Variants in TOM1 observed in about 807,000 individuals in gnomAD.
TOM1 encodes the protein target of myb1 membrane trafficking protein, also known as target of Myb protein 1.
In TOM1, 38 loss-of-function variants were observed where a neutral mutation model predicts 61.3. The observed-to-expected ratio is 0.62, with a 90% CI of 0.48 to 0.81. The LOEUF (loss-of-function observed/expected upper bound fraction) is 0.81, where lower values mean the gene tolerates loss of function less well. Ranked by LOEUF, TOM1 falls within the 40% of genes least tolerant of loss-of-function variation. TOM1 has a pLI of 0.00. For synonymous variants in TOM1, 270 were observed against 268.8 expected (o/e 1.00, Z -0.04); for missense variants, 591 against 659.6 (o/e 0.90, Z 1.14).
chr22:35,322,432 G>A lies in TOM1; in HGVS notation c.216+395G>A, dbSNP rs904188569. On this transcript the variant is annotated intron_variant, in intron 3 of 14. Coordinates refer to ENST00000449058, the MANE Select transcript of TOM1 (RefSeq NM_005488.3). Reference sequence around the variant, plus strand: ...GAATGTAAAATAAATACCAGTGGCTGAGAACAGTCTTGCCCACACCACTGA... The same window carrying A: ...GAATGTAAAATAAATACCAGTGGCTAAGAACAGTCTTGCCCACACCACTGA... 1.7e-5 allele frequency: 4 copies of A among 234,870 alleles called. No individual in the cohort carries two copies. In the Admixed American group the frequency reaches 2.1e-4, roughly 12 times the overall value. 14.5% of individuals were successfully genotyped at this position (234,870 alleles called of 1,614,324 possible).
chr22:35,329,857 A>G (rs1359475319), intron 7 of TOM1, among the ~76,000 whole-genome samples: 1 of 152,216 alleles, frequency 6.6e-6, no homozygotes, highest in African/African-American at 2.4e-5. Context: ...AGCATCTAAC[A>G]CTTGGAAGTG....
chr22:35,303,856 G>T (rs1267442291), intron 1 of TOM1, among the ~76,000 whole-genome samples: 1 of 152,092 alleles, frequency 6.6e-6, no homozygotes, highest in Non-Finnish European at 1.5e-5. Context: ...TCTGTTAGTG[G>T]TTGTGCATGT....
At chr22:35,312,243 CAAAA>C (rs61692841) in intron 1 of TOM1, among the ~76,000 whole-genome samples, 16 of 116,832 alleles carry the variant, frequency 1.4e-4, no homozygotes, top group Admixed American at 7.7e-4. Flanking sequence ...GACTCCGTCT[CAAAA>C]AAAAAAAAAA....
intron 2 of TOM1, among the ~76,000 whole-genome samples, chr22:35,320,087 T>C (rs1237495189): frequency 2.0e-5 from 3 of 152,124 alleles, no homozygotes; most frequent in Non-Finnish European, 4.4e-5. Flanking sequence ...TTCAGTAGTG[T>C]GATGGGCTCT....
chr22:35,303,662 T>C (rs913719781), intron 1 of TOM1, among the ~76,000 whole-genome samples: 1 of 151,990 alleles, frequency 6.6e-6, no homozygotes, highest in African/African-American at 2.4e-5. Context: ...CATGCCCGGC[T>C]AATTTTTGTA....
intron 2 of TOM1, among the ~76,000 whole-genome samples, chr22:35,319,376 GACCTC>G (rs1927576461): frequency 6.6e-6 from 1 of 152,154 alleles, no homozygotes; most frequent in Non-Finnish European, 1.5e-5. Flanking sequence ...CATGACCCTT[GACCTC>G]ACCAAGCATG....
At chr22:35,328,790 G>A (rs1433877608) in intron 7 of TOM1, among the ~76,000 whole-genome samples, 1 of 152,244 alleles carries the variant, frequency 6.6e-6, no homozygotes, top group Non-Finnish European at 1.5e-5. Flanking sequence ...GTTGCCTCCA[G>A]GAGAAAGGCG....
At chr22:35,339,934 A>G (rs557547762) in intron 12 of TOM1, among the ~76,000 whole-genome samples, 1 of 150,806 alleles carries the variant, frequency 6.6e-6, no homozygotes, top group Non-Finnish European at 1.5e-5. Context: ...ACCCTAAAGC[A>G]GCGGGGAGAA....
Position 35,334,349 on chromosome 22 carries a change from G to C in TOM1, c.1049G>C (p.Arg350Thr), listed in dbSNP as rs926078943. The change falls in exon 11 of 15, where the codon AGA becomes ACA. Residue 350 changes from arginine (R) to threonine (T), a missense_variant. By Grantham distance (71) the Arg-to-Thr change is moderately conservative. Transcript: ENST00000449058. ...AGMNLGSSSV[R>T]AGLQSLEASG... Reference sequence around the variant, plus strand: ...GCAGACCTGGGCTCCAGCAGTGTGAGAGCTGGCCTGCAGTCTCTGGAGGCC... The same window carrying C: ...GCAGACCTGGGCTCCAGCAGTGTGACAGCTGGCCTGCAGTCTCTGGAGGCC... The C allele has an allele frequency of 7.4e-6, 12 of 1,613,942 alleles. No homozygotes were observed. Among genetic ancestry groups the C allele is most frequent in the Non-Finnish European group, 1.0e-5 (12 of 1,179,954 alleles).
intron 1 of TOM1, among the ~76,000 whole-genome samples, chr22:35,304,224 A>G (rs1010199830): frequency 2.0e-5 from 3 of 152,110 alleles, no homozygotes; most frequent in African/African-American, 7.2e-5. Context: ...CTTCTTTTGA[A>G]TTGATGTCTG....
chr22:35,321,915 G>A, intron 2 of TOM1, 44 bp from the exon 3 acceptor site: 6 of 1,538,660 alleles, frequency 3.9e-6, no homozygotes, highest in Non-Finnish European at 2.7e-6. Flanking sequence ...TGTTAGGTAA[G>A]GGGGCTCTAT....
chr22:35,304,469 GTTTTGTTTTTTGTT>G (rs1054517987), intron 1 of TOM1, among the ~76,000 whole-genome samples: 2 of 152,104 alleles, frequency 1.3e-5, no homozygotes, highest in Non-Finnish European at 2.9e-5. Context: ...TACTGGATCT[GTTTTGTTTTTTGTT>G]TTTTGTTTTT....
chr22:35,320,167 G>C (rs1927643230), intron 2 of TOM1, among the ~76,000 whole-genome samples: 1 of 152,206 alleles, frequency 6.6e-6, no homozygotes, highest in African/African-American at 2.4e-5. Flanking sequence ...CCCAGGGTGG[G>C]CCCCCAGTTC....
At chr22:35,332,576 G>A (rs984875859) in intron 8 of TOM1, among the ~76,000 whole-genome samples, 2 of 127,096 alleles carry the variant, frequency 1.6e-5, no homozygotes, top group Admixed American at 8.3e-5. Flanking sequence ...CAGCACTGAA[G>A]AGAGCACTAA....
At chr22:35,303,504 C>CTT (rs528560916) in intron 1 of TOM1, among the ~76,000 whole-genome samples, 13 of 131,600 alleles carry the variant, frequency 9.9e-5, no homozygotes, top group Non-Finnish European at 1.5e-4. Context: ...TTTATTATTT[C>CTT]TTTTTTTTTT....
Position 35,299,944 on chromosome 22 carries a change from G to A in TOM1, c.16G>A (p.Gly6Arg). 1 of 1,584,188 alleles carries A rather than the reference G, an allele frequency of 6.3e-7. No individual in the cohort carries two copies. The highest frequency in any genetic ancestry group is 8.6e-7 in the Non-Finnish European group (1 of 1,163,658). ...GGTAGCAGCAATGGACTTTCTCCTG[G>A]GGAACCCGTTCAGCTCTCCAGTGGG... MDFLLGNPFSSPVGQR... is the reference protein window; with the variant it reads MDFLLRNPFSSPVGQR... The change falls in exon 1 of 15, where the codon GGG becomes AGG. Residue 6 changes from glycine (G) to arginine (R), a missense_variant. Transcript: ENST00000449058.
intron 2 of TOM1, among the ~76,000 whole-genome samples, chr22:35,320,987 G>A (rs74517468): frequency 2.1e-4 from 19 of 88,940 alleles, no homozygotes; most frequent in South Asian, 4.6e-4. Context: ...GTCTCAGAAG[G>A]AAAAAAAAAA....
intron 1 of TOM1, among the ~76,000 whole-genome samples, chr22:35,303,689 G>C (rs1048026864): frequency 6.6e-6 from 1 of 151,880 alleles, no homozygotes; most frequent in Non-Finnish European, 1.5e-5. Context: ...GTAGAGATGG[G>C]GTTTCACCAT....
At chr22:35,322,733 G>A (rs1875941093) in intron 3 of TOM1, 1 of 371,532 alleles carries the variant, frequency 2.7e-6, no homozygotes, top group Non-Finnish European at 4.9e-6. Context: ...CTTCTCTCTA[G>A]ACCATGTTTA....
Sources: gnomAD v4.1 joint callset for allele counts (sites outside exome capture counted in the v4.1 genomes callset) on GRCh38, gnomAD v4.1.1 for gene constraint, MANE v1.5 for transcripts, NCBI Gene and HGNC (gene_info 2026-07-23, HGNC 2026-07-21) for gene names.